Variants in PPFIA4 observed in about 807,000 individuals in gnomAD.
PPFIA4 encodes PPFI scaffold protein A4.
PPFIA4 carries 98 observed loss-of-function variants against 145.7 expected under a neutral mutation model. The observed-to-expected ratio is 0.67, with a 90% CI of 0.57 to 0.80. The LOEUF (loss-of-function observed/expected upper bound fraction) is 0.80, where lower values mean the gene tolerates loss of function less well. Ranked by LOEUF, PPFIA4 falls within the 30% of genes least tolerant of loss-of-function variation. The pLI, the probability that PPFIA4 is intolerant of heterozygous loss-of-function variation, is 0.00. For synonymous variants in PPFIA4, 628 were observed against 649.6 expected, an observed-to-expected ratio of 0.97 and a Z score of 0.51; for missense variants, 1,457 against 1,632.7, an observed-to-expected ratio of 0.89 and a Z score of 1.85.
intron 18 of PPFIA4, 63 bp from the exon 19 acceptor site, chr1:203,056,720 CT>C: frequency 7.1e-7 from 1 of 1,411,584 alleles, no homozygotes; most frequent in Non-Finnish European, 9.8e-7. Context: ...TAACTTCCAT[CT>C]TTCCTGCTGT....
rs979818364 is a variant in PPFIA4, at chr1:203,076,419, T to C, written c.*29T>C. 5.0e-6 allele frequency: 8 copies of C among 1,602,556 alleles called. No individual in the cohort carries two copies. The highest frequency in any genetic ancestry group is 1.7e-5 in the Admixed American group (1 of 60,024). On this transcript the variant is annotated 3_prime_UTR_variant, in exon 30 of 30. Transcript: ENST00000295706. The stretch of plus-strand genomic sequence containing the variant: ...TGGCCCCCAGGGCTGGCTTCCTCCT[T>C]CTGGGTTTCACAGGCTCCTCTGGCC...
intron 9 of PPFIA4, 79 bp downstream of exon 9, chr1:203,046,461 G>A (rs575533447): frequency 1.6e-5 from 24 of 1,466,560 alleles, no homozygotes; most frequent in African/African-American, 5.7e-5. Flanking sequence ...GGAAGGGAGC[G>A]CGTGGGAGGC....
intron 1 of PPFIA4, among the ~76,000 whole-genome samples, chr1:203,037,614 C>T (rs1659381857): frequency 6.6e-6 from 1 of 152,228 alleles, no homozygotes; most frequent in South Asian, 2.1e-4. Context: ...TCATTACTTT[C>T]CTGTTACTTC....
intron 1 of PPFIA4, among the ~76,000 whole-genome samples, chr1:203,036,966 C>G (rs918180652): frequency 1.3e-5 from 2 of 152,190 alleles, no homozygotes; most frequent in African/African-American, 4.8e-5. Context: ...GTGTATGTGG[C>G]CACATGTGTA....
rs774837545 is a variant in PPFIA4 at position 203,039,151 on chromosome 1, A to G, written c.143A>G (p.Gln48Arg). 3.1e-6 allele frequency: 5 copies of G among 1,607,790 alleles called. No individual in the cohort carries two copies. Among genetic ancestry groups the G allele is most frequent in the South Asian group, 1.1e-5 (1 of 90,252 alleles). ...TTGCTGGAGTCTCTTCGGGAGAGTC[A>G]GGAGACCTTGGCGGCCACACAGAGC... is the stretch of plus-strand genomic sequence containing the variant. ...EKLLESLRES[Q>R]ETLAATQSRL... is the part of the protein sequence containing the mutation. The change falls in exon 2 of 30, where the codon CAG (glutamine) becomes CGG (arginine). Residue 48 changes from glutamine (Q) to arginine (R), a missense_variant. Physicochemically the swap from Gln to Arg is conservative, Grantham distance 43. This residue lies in a region of PPFIA4 where 463 missense variants were observed against 459.8 expected (regional missense o/e 1.01). Transcript: ENST00000295706.
chr1:203,051,949 G>A, intron 14 of PPFIA4, 72 bp downstream of exon 14: 1 of 1,517,716 alleles, frequency 6.6e-7, no homozygotes, highest in South Asian at 1.2e-5. Flanking sequence ...CAGTTACGCA[G>A]ACGGCTGGTG....
At position 203,076,544 on chromosome 1, in the gene PPFIA4, G is replaced by C. The variant is rs371274726; in HGVS notation, c.*154G>C. 4 of 723,384 alleles carry C rather than the reference G, an allele frequency of 5.5e-6. No individual in the cohort carries two copies. The highest frequency in any genetic ancestry group is 7.0e-6 in the Non-Finnish European group (3 of 426,050). 44.8% of individuals were successfully genotyped at this position (723,384 alleles called of 1,614,324 possible). A position where few individuals can be genotyped will look rare whatever the true frequency, so the allele number is the denominator to read the frequency against. ...TCAGAATATATTCGTCCACCCCCTC[G>C]GCACCCCATTACCCCGAGTCCCACC... On this transcript the variant is annotated 3_prime_UTR_variant, in exon 30 of 30. Coordinates refer to ENST00000295706, the MANE Select transcript of PPFIA4 (RefSeq NM_001304331.2).
At chr1:203,057,799 G>A (rs1661079062) in intron 19 of PPFIA4, among the ~76,000 whole-genome samples, 1 of 152,228 alleles carries the variant, frequency 6.6e-6, no homozygotes, top group Non-Finnish European at 1.5e-5. Context: ...GGGACAACAG[G>A]GGCGGCCTCC....
At chr1:203,064,607 T>C (rs1357249443) in intron 25 of PPFIA4, among the ~76,000 whole-genome samples, 1 of 152,234 alleles carries the variant, frequency 6.6e-6, no homozygotes, top group Non-Finnish European at 1.5e-5. Context: ...GACTTGTTTT[T>C]GTTTGGCCCA....
intron 4 of PPFIA4, 63 bp from the exon 5 acceptor site, chr1:203,044,315 TC>T: frequency 1.4e-6 from 2 of 1,461,880 alleles, no homozygotes; most frequent in Non-Finnish European, 1.9e-6. Context: ...CCAAGCCCAG[TC>T]TCTTCCAGCC....
chr1:203,068,763 C>A lies in PPFIA4; in HGVS notation c.3324+135C>A. On this transcript the variant is annotated intron_variant, in intron 27 of 29. Coordinates refer to ENST00000295706, the MANE Select transcript of PPFIA4 (RefSeq NM_001304331.2). The surrounding 1 kb of genome is among the most constrained non-coding windows in gnomAD (Gnocchi z 4.7). Reference sequence around the variant, plus strand: ...TTCTAGGGCCTATGCCAGAGGGGATCGCAATGTCCTCAATTCTCCAAGTGA... The same window carrying A: ...TTCTAGGGCCTATGCCAGAGGGGATAGCAATGTCCTCAATTCTCCAAGTGA... The A allele has an allele frequency of 2.2e-6, 2 of 897,406 alleles. No individual in the cohort carries two copies. The highest frequency in any genetic ancestry group is 3.1e-6 in the Non-Finnish European group (2 of 636,740). 55.6% of individuals were successfully genotyped at this position (897,406 alleles called of 1,614,324 possible).
At chr1:203,027,091 C>T (rs919939687) in intron 1 of PPFIA4, among the ~76,000 whole-genome samples, 1 of 152,232 alleles carries the variant, frequency 6.6e-6, no homozygotes, top group African/African-American at 2.4e-5. Context: ...GCTCATAGCA[C>T]CCCTGTTCCT....
intron 27 of PPFIA4, among the ~76,000 whole-genome samples, chr1:203,071,440 G>A (rs1662155015): frequency 1.5e-5 from 1 of 66,006 alleles, no homozygotes; most frequent in African/African-American, 7.5e-5. Context: ...CAAAGTGCCC[G>A]GCCACTACTT....
intron 23 of PPFIA4, 148 bp from the exon 24 acceptor site, chr1:203,061,504 C>A: frequency 1.3e-6 from 1 of 766,504 alleles, no homozygotes; most frequent in Non-Finnish European, 2.0e-6. Flanking sequence ...ACCTTGTGTT[C>A]TCTCTTAACC....
At chr1:203,073,234 G>A (rs1205942548) in intron 28 of PPFIA4, among the ~76,000 whole-genome samples, 1 of 152,188 alleles carries the variant, frequency 6.6e-6, no homozygotes, top group African/African-American at 2.4e-5. Flanking sequence ...AGCTCTAAGA[G>A]GGAACTTACC....
intron 6 of PPFIA4, 33 bp downstream of exon 6, chr1:203,044,818 T>C: frequency 6.5e-7 from 1 of 1,541,340 alleles, no homozygotes; most frequent in Non-Finnish European, 8.8e-7. Flanking sequence ...GCAGGGGTCA[T>C]GTGTTCCCCA....
chr1:203,059,676 G>A (rs779198672), intron 20 of PPFIA4, 94 bp from the exon 21 acceptor site: 24 of 1,018,434 alleles, frequency 2.4e-5, no homozygotes, highest in Admixed American at 7.9e-5. Context: ...AGGGTTGTGG[G>A]TCTCCAGCTC....
intron 25 of PPFIA4, among the ~76,000 whole-genome samples, chr1:203,064,705 C>T (rs942621239): frequency 1.3e-5 from 2 of 152,334 alleles, no homozygotes; most frequent in Middle Eastern, 6.8e-3. Context: ...CTTTTGAAAA[C>T]TTGAAAGCTC....
Position 203,055,424 on chromosome 1 carries a change from C to T in PPFIA4, c.1830-8C>T. 6.2e-7 allele frequency: 1 copy of T among 1,613,394 alleles called. No individual in the cohort carries two copies. The highest frequency in any genetic ancestry group is 8.5e-7 in the Non-Finnish European group (1 of 1,179,386). On this transcript the variant is annotated splice_polypyrimidine_tract_variant and splice_region_variant and intron_variant, in intron 15 of 29. Coordinates refer to ENST00000295706, the MANE Select transcript of PPFIA4 (RefSeq NM_001304331.2). The surrounding 1 kb of genome is among the most constrained non-coding windows in gnomAD (Gnocchi z 4.8). ...TAGTGGTGAGGTCTGGTTTTGCCTC[C>T]CTTCCAGGATGATTCAGGAAGAGAA... is the stretch of plus-strand genomic sequence containing the variant.
Sources: allele counts gnomAD v4.1 joint callset (sites outside exome capture counted in the v4.1 genomes callset), GRCh38; gene constraint gnomAD v4.1.1; regional missense constraint gnomAD v4.1.1; non-coding constraint Gnocchi (gnomAD v3.1); transcripts MANE v1.5; gene names NCBI Gene and HGNC (gene_info 2026-07-23, HGNC 2026-07-21).